ARHGAP42: variants seen among roughly 807,000 people sequenced by gnomAD.
The protein encoded by ARHGAP42 is Rho GTPase activating protein 42.
Under a neutral mutation model 125.0 loss-of-function variants are expected in ARHGAP42, and 63 were observed. The ratio of observed to expected loss-of-function variants is 0.50; its 90% confidence interval spans 0.41 to 0.62. ARHGAP42 has a LOEUF of 0.62. Ranked by LOEUF, ARHGAP42 falls within the 20% of genes least tolerant of loss-of-function variation. The pLI is 0.00. For synonymous variants in ARHGAP42, 339 were observed against 351.0 expected (o/e 0.97, Z 0.38); for missense variants, 766 against 1,024.2 (o/e 0.75, Z 3.44).
chr11:100,735,002 AAACAACAACAAC>A (rs201001433), intron 1 of ARHGAP42, among the ~76,000 whole-genome samples: 3 of 151,802 alleles, frequency 2.0e-5, no homozygotes, highest in East Asian at 1.9e-4. Flanking sequence ...TACAACAACA[AAACAACAACAAC>A]AACAACAACA....
intron 23 of ARHGAP42, 136 bp from the exon 24 acceptor site, chr11:100,988,577 T>C (rs1467408670): frequency 1.6e-6 from 1 of 618,108 alleles, no homozygotes. Context: ...GTTTCTGGTA[T>C]CCACAAGGGG....
chr11:100,974,533 A>G lies in ARHGAP42; in HGVS notation c.1785A>G (p.Arg595=). 2.6e-6 allele frequency: 4 copies of G among 1,551,132 alleles called. No homozygotes were observed. The highest frequency in any genetic ancestry group is 3.5e-6 in the Non-Finnish European group (4 of 1,146,714). ...CTCGATCTGGATCCCGAAGGACACG[A>G]GCAATCTGCCTCTCTACAGGGTCTA... ...PQSRSGSRRT[R]AICLSTGSRK... The change falls in exon 19 of 24, where the codon CGA becomes CGG. Residue 595 remains arginine (R), a synonymous_variant. Coordinates refer to ENST00000298815, the MANE Select transcript of ARHGAP42 (RefSeq NM_152432.4).
At chr11:100,806,827 T>C (rs1864003310) in intron 3 of ARHGAP42, among the ~76,000 whole-genome samples, 1 of 113,502 alleles carries the variant, frequency 8.8e-6, no homozygotes, top group Admixed American at 1.0e-4. Flanking sequence ...TTTTATTTGT[T>C]TGTTTGTTTG....
intron 4 of ARHGAP42, among the ~76,000 whole-genome samples, chr11:100,896,686 C>CT (rs1229523473): frequency 1.3e-5 from 2 of 151,806 alleles, no homozygotes; most frequent in African/African-American, 4.8e-5. Flanking sequence ...TGATGAGGTT[C>CT]TTTGTTTTTT....
intron 12 of ARHGAP42, 39 bp from the exon 13 acceptor site, chr11:100,959,844 C>T: frequency 6.5e-7 from 1 of 1,534,582 alleles, no homozygotes; most frequent in Non-Finnish European, 8.8e-7. Flanking sequence ...AATGTGAGTT[C>T]AGCGTAAACA....
chr11:100,873,180 T>G (rs1865735594), intron 4 of ARHGAP42, among the ~76,000 whole-genome samples: 1 of 152,226 alleles, frequency 6.6e-6, no homozygotes, highest in Non-Finnish European at 1.5e-5. Flanking sequence ...CATAGTGGTA[T>G]AAAAATTTGA....
chr11:100,949,777 G>A (rs1358023987), intron 11 of ARHGAP42, 140 bp from the exon 12 acceptor site: 18 of 431,362 alleles, frequency 4.2e-5, no homozygotes, highest in Non-Finnish European at 6.6e-5. Context: ...TGGTACACAG[G>A]TGGTGCTGTG....
At chr11:100,862,389 A>C (rs11224491) in intron 4 of ARHGAP42, among the ~76,000 whole-genome samples, 10,879 of 152,082 alleles carry the variant, frequency 0.072, 545 homozygotes, top group East Asian at 0.25. Flanking sequence ...TCTAGCCCCC[A>C]AAAAGAGTAA....
chr11:100,935,656 T>TCACACA (rs370952044), intron 7 of ARHGAP42, among the ~76,000 whole-genome samples: 44 of 140,660 alleles, frequency 3.1e-4, no homozygotes, highest in African/African-American at 6.6e-4. Flanking sequence ...AGGAAGAAGG[T>TCACACA]CACACACACA....
In ARHGAP42 at chr11:100,964,517, G is replaced by A. The variant is rs184743464; in HGVS notation, c.1445-1154G>A. On this transcript the variant is annotated intron_variant, in intron 16 of 23. Transcript: ENST00000298815. Reference sequence around the variant, plus strand: ...CCTCACTCCATGTCTAAATAACTGCGCCCAGATGAAATGGTAGTCCCATAA... The same window carrying A: ...CCTCACTCCATGTCTAAATAACTGCACCCAGATGAAATGGTAGTCCCATAA... Among the ~76,000 whole-genome samples the A allele has an allele frequency of 9.9e-5, 15 of 152,194 alleles. No homozygotes were observed. The East Asian group carries it at 1.2e-3, about 12-fold the overall frequency.
chr11:100,987,865 C>G (rs909108585), intron 23 of ARHGAP42, among the ~76,000 whole-genome samples: 1 of 151,292 alleles, frequency 6.6e-6, no homozygotes, highest in African/African-American at 2.4e-5. Context: ...CGCGGTGACT[C>G]ATGCCTGTAA....
At chr11:100,978,261 T>C (rs575903944) in intron 21 of ARHGAP42, among the ~76,000 whole-genome samples, 1 of 152,280 alleles carries the variant, frequency 6.6e-6, no homozygotes, top group East Asian at 1.9e-4. Context: ...TTTGAGATAA[T>C]CAAATGGCTT....
chr11:100,702,671 CTT>C (rs200179100), intron 1 of ARHGAP42, among the ~76,000 whole-genome samples: 32,510 of 133,618 alleles, frequency 0.24, 3,521 homozygotes, highest in Non-Finnish European at 0.26. Flanking sequence ...TATTTGTGTT[CTT>C]TTTTTTTTTT....
chr11:100,976,636 T>C (rs1782281205), intron 20 of ARHGAP42, among the ~76,000 whole-genome samples, 179 bp from the exon 21 acceptor site: 1 of 152,208 alleles, frequency 6.6e-6, no homozygotes, highest in Admixed American at 6.5e-5. Flanking sequence ...AAGTGATGTC[T>C]TTGTAATTAT....
At chr11:100,983,072 A>G (rs531327209) in intron 22 of ARHGAP42, among the ~76,000 whole-genome samples, 2 of 152,202 alleles carry the variant, frequency 1.3e-5, no homozygotes, top group African/African-American at 2.4e-5. Flanking sequence ...TTTGGTGCAC[A>G]GCCTTCTAAT....
intron 3 of ARHGAP42, among the ~76,000 whole-genome samples, chr11:100,800,098 G>C (rs1002091647): frequency 1.3e-5 from 2 of 152,202 alleles, no homozygotes; most frequent in Non-Finnish European, 2.9e-5. Context: ...CTATGTTTTT[G>C]TGGATTTTTC....
intron 1 of ARHGAP42, among the ~76,000 whole-genome samples, chr11:100,756,929 A>T (rs1236499973): frequency 6.6e-6 from 1 of 152,196 alleles, no homozygotes; most frequent in African/African-American, 2.4e-5. Flanking sequence ...AAAGATTGAG[A>T]TTTATTTTTA....
Position 100,909,859 on chromosome 11 carries a change from A to AT in ARHGAP42, c.385-3588dup, listed in dbSNP as rs1231285487. The stretch of plus-strand genomic sequence containing the variant: ...GTTGTAAGAGTGTGTATTTTAATAT[A>AT]TTTTTATCTTTGTGATATGCCTACA... On this transcript the variant is annotated intron_variant, in intron 4 of 23. Coordinates refer to ENST00000298815, the MANE Select transcript of ARHGAP42 (RefSeq NM_152432.4). 3.3e-5 allele frequency among the ~76,000 whole-genome samples: 5 copies of AT among 152,250 alleles called. No homozygotes were observed. In the East Asian group the frequency reaches 9.7e-4, roughly 29 times the overall value.
chr11:100,788,573 A>G (rs571797825), intron 2 of ARHGAP42, among the ~76,000 whole-genome samples: 46 of 152,330 alleles, frequency 3.0e-4, no homozygotes, highest in Admixed American at 7.8e-4. Flanking sequence ...GAAGCCAGAA[A>G]TGGAGTGGAA....
Sources: gnomAD v4.1 joint callset for allele counts (sites outside exome capture counted in the v4.1 genomes callset) on GRCh38, gnomAD v4.1.1 for gene constraint, MANE v1.5 for transcripts, NCBI Gene and HGNC (gene_info 2026-07-23, HGNC 2026-07-21) for gene names.